The following ZNF362 variants were observed in gnomAD, a reference collection of about 807,000 sequenced individuals.
ZNF362 encodes the protein rotund homolog.
In ZNF362, 11 loss-of-function variants were observed where a neutral mutation model predicts 42.9. The observed-to-expected ratio is 0.26, with a 90% CI of 0.16 to 0.42. ZNF362 has a LOEUF of 0.42. Among genes scored for constraint, ZNF362 ranks in the 20% least tolerant of loss-of-function variants. ZNF362 has a pLI of 1.00. For missense variants in ZNF362, 362 were observed against 576.2 expected (o/e 0.63, Z 3.81); for synonymous variants, 255 against 257.3 (o/e 0.99, Z 0.09).
chr1:33,292,811 A>C (rs1646088844), intron 6 of ZNF362, among the ~76,000 whole-genome samples: 1 of 152,190 alleles, frequency 6.6e-6, no homozygotes, highest in Non-Finnish European at 1.5e-5. Context: ...GAGAATGAGG[A>C]TGGGATGAAG....
At chr1:33,249,737 G>A in the ZNF362 span, among the ~76,000 whole-genome samples, 1 of 152,110 alleles carries the variant, frequency 6.6e-6, no homozygotes, top group African/African-American at 2.4e-5. Context: ...TATTGGGTGT[G>A]GGTAAGTGCA....
intron 1 of ZNF362, among the ~76,000 whole-genome samples, chr1:33,257,309 T>G (rs1227422650): frequency 1.3e-5 from 2 of 151,036 alleles, no homozygotes; most frequent in East Asian, 1.9e-4. Context: ...ACAATGCAAT[T>G]GCACTTTAAA....
At chr1:33,242,168 G>A in the ZNF362 span, among the ~76,000 whole-genome samples, 1 of 152,194 alleles carries the variant, frequency 6.6e-6, no homozygotes, top group South Asian at 2.1e-4. Flanking sequence ...TGAGGCTGCA[G>A]GGGTGGATCA....
the ZNF362 span, among the ~76,000 whole-genome samples, chr1:33,174,960 T>TACAC: frequency 7.1e-6 from 1 of 140,292 alleles, no homozygotes; most frequent in Admixed American, 6.9e-5. Context: ...TATATATATA[T>TACAC]ATATATATAC....
the ZNF362 span, among the ~76,000 whole-genome samples, chr1:33,152,573 GA>G: frequency 0.24 from 25,106 of 103,438 alleles, 2,026 homozygotes; most frequent in South Asian, 0.34. Flanking sequence ...GTCTCAAAAA[GA>G]AAAAAAAAAA....
intron 6 of ZNF362, among the ~76,000 whole-genome samples, chr1:33,283,531 T>C (rs1181818134): frequency 2.0e-5 from 3 of 151,984 alleles, no homozygotes; most frequent in African/African-American, 7.3e-5. Context: ...CAAAACCCCA[T>C]TGCTACAGAA....
chr1:33,165,594 G>T, the ZNF362 span: 1 of 1,577,732 alleles, frequency 6.3e-7, no homozygotes, highest in African/African-American at 1.3e-5. The surrounding 1 kb of genome is among the most constrained non-coding windows in gnomAD (Gnocchi z 4.0). Flanking sequence ...CCGGGATGGG[G>T]GCAGGGGCCA....
chr1:33,159,555 C>A, the ZNF362 span: 1 of 1,312,504 alleles, frequency 7.6e-7, no homozygotes, highest in Non-Finnish European at 1.0e-6. This position sits in a 1 kb window ranked among gnomAD's most constrained non-coding sequence, Gnocchi z 4.2. Context: ...TAGCAGATGT[C>A]CCGTAAATGT....
At chr1:33,209,877 C>T in the ZNF362 span, among the ~76,000 whole-genome samples, 7 of 152,196 alleles carry the variant, frequency 4.6e-5, no homozygotes, top group African/African-American at 1.7e-4. Context: ...AAAACCAGCT[C>T]CTGGATTCAT....
the ZNF362 span, among the ~76,000 whole-genome samples, chr1:33,250,877 G>GAAGAAGAAGAA: frequency 6.6e-6 from 1 of 151,816 alleles, no homozygotes; most frequent in Non-Finnish European, 1.5e-5. Flanking sequence ...AGAAGAAGAA[G>GAAGAAGAAGAA]AAGAAGAAGA....
the ZNF362 span, among the ~76,000 whole-genome samples, chr1:33,207,569 A>T: frequency 6.6e-6 from 1 of 152,226 alleles, no homozygotes. Flanking sequence ...TCCCATCAAC[A>T]GTGTAAAAAC....
chr1:33,249,537 A>G, the ZNF362 span, among the ~76,000 whole-genome samples: 135 of 152,310 alleles, frequency 8.9e-4, no homozygotes, highest in Non-Finnish European at 1.5e-3. Flanking sequence ...AGAAAGTGAT[A>G]GAAGTTTTCC....
the ZNF362 span, among the ~76,000 whole-genome samples, chr1:33,188,290 T>C: frequency 6.6e-6 from 1 of 152,174 alleles, no homozygotes; most frequent in Non-Finnish European, 1.5e-5. Flanking sequence ...ATCTTCAAGC[T>C]GATGACTTAG....
At position 33,276,092 on chromosome 1, in the gene ZNF362, TC is replaced by T. The variant is rs779221253; in HGVS notation, c.39-5del. 2 of 1,613,860 alleles carry T rather than the reference TC, an allele frequency of 1.2e-6. No individual in the cohort carries two copies. The highest frequency in any genetic ancestry group is 2.7e-5 in the African/African-American group (2 of 74,916). ...CTCTTCCCGGTGACAGTCGCTCTCT[TC>T]CCGCAGGATGGCCGAGCCTCGATTT... On this transcript the variant is annotated splice_polypyrimidine_tract_variant and splice_region_variant and intron_variant, in intron 2 of 8. Transcript: ENST00000539719.
rs376830000 is a variant in ZNF362, at chr1:33,276,251, G to C, written c.102+88G>C. ...GTTTTGGCTGTGGCCTGCGGGGAGC[G>C]GGGTGAGGAGCGAGGGGCTCGCGGG... On this transcript the variant is annotated intron_variant, in intron 3 of 8. Transcript: ENST00000539719. The C allele has an allele frequency of 3.2e-5, 50 of 1,586,550 alleles. No homozygotes were observed. In the East Asian group the frequency reaches 5.2e-4, roughly 16 times the overall value.
chr1:33,128,734 C>G, the ZNF362 span, among the ~76,000 whole-genome samples: 11 of 152,210 alleles, frequency 7.2e-5, no homozygotes, highest in Admixed American at 5.2e-4. Context: ...TATAACTTGT[C>G]TCTCAGACCA....
chr1:33,243,930 A>C, the ZNF362 span, among the ~76,000 whole-genome samples: 7 of 152,082 alleles, frequency 4.6e-5, no homozygotes, highest in Non-Finnish European at 1.0e-4. Context: ...TGTATTTTCT[A>C]TCATAAGCAT....
intron 2 of ZNF362, 97 bp downstream of exon 2, chr1:33,270,709 C>G: frequency 6.5e-7 from 1 of 1,550,024 alleles, no homozygotes; most frequent in East Asian, 2.3e-5. Context: ...CTGAGTGCCC[C>G]CGCTGCTACC....
the ZNF362 span, among the ~76,000 whole-genome samples, chr1:33,130,609 C>A: frequency 6.6e-6 from 1 of 152,200 alleles, no homozygotes; most frequent in Non-Finnish European, 1.5e-5. Flanking sequence ...CTGATTGCAG[C>A]CATGTGAGAG....
Sources: gnomAD v4.1 joint callset for allele counts (sites outside exome capture counted in the v4.1 genomes callset) on GRCh38, gnomAD v4.1.1 for gene constraint, Gnocchi (gnomAD v3.1) non-coding constraint, MANE v1.5 for transcripts, NCBI Gene and HGNC (gene_info 2026-07-23, HGNC 2026-07-21) for gene names.